Variants in DPP10 observed in about 807,000 individuals in gnomAD.
DPP10 encodes the protein inactive dipeptidyl peptidase 10.
In DPP10, 33 loss-of-function variants were observed where a neutral mutation model predicts 120.9. The ratio of observed to expected loss-of-function variants is 0.27; its 90% CI spans 0.21 to 0.37. The LOEUF is 0.37. Ranked by LOEUF, DPP10 falls within the 10% of genes least tolerant of loss-of-function variation. The pLI is 1.00. For missense variants in DPP10, 816 were observed against 942.8 expected (o/e 0.87, Z 1.76); for synonymous variants, 337 against 326.1 (o/e 1.03, Z -0.36).
intron 1 of DPP10, among the ~76,000 whole-genome samples, chr2:115,180,174 G>A (rs2053980019): frequency 1.3e-5 from 2 of 152,130 alleles, no homozygotes; most frequent in South Asian, 4.1e-4. Flanking sequence ...AATCTTTGAT[G>A]TCCTGCTGGG....
At chr2:114,722,783 A>C (rs1701787542) in intron 1 of DPP10, among the ~76,000 whole-genome samples, 1 of 149,456 alleles carries the variant, frequency 6.7e-6, no homozygotes, top group South Asian at 2.1e-4. Context: ...CTCAAAAAAA[A>C]AAAAAAAAAA....
intron 1 of DPP10, among the ~76,000 whole-genome samples, chr2:114,929,423 T>G (rs969517209): frequency 1.3e-5 from 2 of 152,198 alleles, no homozygotes; most frequent in Non-Finnish European, 2.9e-5. Context: ...ATCCCTTGTC[T>G]TCAACCGCAT....
At chr2:114,443,831 A>C (rs536312571) in intron 1 of DPP10, among the ~76,000 whole-genome samples, 1 of 152,130 alleles carries the variant, frequency 6.6e-6, no homozygotes, top group East Asian at 1.9e-4. Context: ...TTTATGATTT[A>C]TATTATGTTT....
chr2:114,840,765 A>C (rs971358818), intron 1 of DPP10, among the ~76,000 whole-genome samples: 2 of 152,168 alleles, frequency 1.3e-5, no homozygotes, highest in Admixed American at 1.3e-4. Context: ...GCTAATCCAC[A>C]TAAGAGAGAT....
intron 1 of DPP10, among the ~76,000 whole-genome samples, chr2:114,694,878 T>C (rs1018560319): frequency 2.6e-5 from 4 of 151,910 alleles, no homozygotes; most frequent in African/African-American, 9.7e-5. Flanking sequence ...AAGGAGGTAA[T>C]ACAAAAGGAC....
intron 5 of DPP10, among the ~76,000 whole-genome samples, chr2:115,643,939 G>C (rs2087002010): frequency 6.6e-6 from 1 of 151,990 alleles, no homozygotes; most frequent in South Asian, 2.1e-4. Flanking sequence ...GTTGAATGTG[G>C]TTCTTGTCTT....
In DPP10 at chr2:115,510,659, G is replaced by A. The variant is rs145481322; in HGVS notation, c.366+11055G>A. On this transcript the variant is annotated intron_variant, in intron 4 of 25. Coordinates refer to ENST00000410059, the MANE Select transcript of DPP10 (RefSeq NM_020868.6). Reference sequence around the variant, plus strand: ...TCCATATGAATTTTAAGATCAACTCGTAAAATTTGCAAACAAAGTCAAAAG... The same window carrying A: ...TCCATATGAATTTTAAGATCAACTCATAAAATTTGCAAACAAAGTCAAAAG... Among the ~76,000 whole-genome samples, 12 of 152,118 alleles carry A rather than the reference G, an allele frequency of 7.9e-5. 1 individual carries two copies. Among genetic ancestry groups the A allele is most frequent in the African/African-American group, 2.6e-4 (11 of 41,532 alleles).
At chr2:114,894,137 A>G (rs1470441211) in intron 1 of DPP10, among the ~76,000 whole-genome samples, 2 of 152,184 alleles carry the variant, frequency 1.3e-5, no homozygotes, top group Non-Finnish European at 1.5e-5. Flanking sequence ...GAGTGCTGCT[A>G]TGTGGCAAGT....
At chr2:115,479,294 G>A (rs1177622408) in intron 3 of DPP10, among the ~76,000 whole-genome samples, 1 of 152,060 alleles carries the variant, frequency 6.6e-6, no homozygotes, top group Non-Finnish European at 1.5e-5. Flanking sequence ...CATGCTAAGG[G>A]AAATAAGCTA....
At position 114,941,715 on chromosome 2, in the gene DPP10, C is replaced by T. The variant is rs547028382; in HGVS notation, c.61-367524C>T. ...CTCTTAGCAGAAAACAATTAGCTGC[C>T]ATTCACTTACCATCTATACCAGGTA... On this transcript the variant is annotated intron_variant, in intron 1 of 25. Coordinates refer to ENST00000410059, the MANE Select transcript of DPP10 (RefSeq NM_020868.6). 4.6e-5 allele frequency among the ~76,000 whole-genome samples: 7 copies of T among 152,200 alleles called. No individual in the cohort carries two copies. In the South Asian group the frequency reaches 1.5e-3, roughly 32 times the overall value.
At chr2:115,071,857 G>C (rs1417700327) in intron 1 of DPP10, among the ~76,000 whole-genome samples, 1 of 151,990 alleles carries the variant, frequency 6.6e-6, no homozygotes, top group East Asian at 1.9e-4. Flanking sequence ...CCTCAAAAAA[G>C]TTTCCATTAT....
At chr2:115,734,206 C>A (rs1260284247) in intron 8 of DPP10, among the ~76,000 whole-genome samples, 1 of 152,148 alleles carries the variant, frequency 6.6e-6, no homozygotes, top group Non-Finnish European at 1.5e-5. Flanking sequence ...TGCCTCATTT[C>A]TCTTGAAAAG....
chr2:114,816,017 A>G (rs1180628927), intron 1 of DPP10, among the ~76,000 whole-genome samples: 4 of 152,160 alleles, frequency 2.6e-5, no homozygotes. Context: ...CCAACAGTAA[A>G]TATAGATCAT....
chr2:114,511,542 A>C (rs545158982), intron 1 of DPP10, among the ~76,000 whole-genome samples: 14 of 152,344 alleles, frequency 9.2e-5, no homozygotes, highest in Admixed American at 2.6e-4. Flanking sequence ...AAAACAGAAC[A>C]AATATATGGA....
intron 1 of DPP10, among the ~76,000 whole-genome samples, chr2:114,912,880 A>G (rs1467118073): frequency 4.0e-5 from 6 of 151,090 alleles, no homozygotes; most frequent in African/African-American, 9.7e-5. Flanking sequence ...GTAGAGCCCA[A>G]AGAGTTTGAC....
chr2:114,773,927 G>A (rs975346849), intron 1 of DPP10, among the ~76,000 whole-genome samples: 2 of 151,720 alleles, frequency 1.3e-5, no homozygotes, highest in African/African-American at 4.8e-5. Context: ...ATATCAAAAA[G>A]TATATATTTA....
rs199718938 is a variant in DPP10 at position 114,596,705 on chromosome 2, A to AT, written c.60+153876dup. Among the ~76,000 whole-genome samples the AT allele has an allele frequency of 5.6e-3, 842 of 151,166 alleles. 8 individuals carry two copies. The highest frequency in any genetic ancestry group is 0.019 in the African/African-American group (778 of 41,246). ...TTATCCTGCATAGTATTGTTACTCCATTTTTTTTTCCTAATGATAAAACTG... is the reference window on the plus strand; with the variant it reads ...TTATCCTGCATAGTATTGTTACTCCATTTTTTTTTTCCTAATGATAAAACTG... On this transcript the variant is annotated intron_variant, in intron 1 of 25. Coordinates refer to ENST00000410059, the MANE Select transcript of DPP10 (RefSeq NM_020868.6).
intron 1 of DPP10, among the ~76,000 whole-genome samples, chr2:114,689,991 T>A (rs924753992): frequency 6.6e-6 from 1 of 152,110 alleles, no homozygotes; most frequent in African/African-American, 2.4e-5. Context: ...TAGTCCTTTG[T>A]TAGATGGATA....
chr2:114,732,832 G>T (rs2105950229), intron 1 of DPP10, among the ~76,000 whole-genome samples: 1 of 152,232 alleles, frequency 6.6e-6, no homozygotes, highest in Admixed American at 6.5e-5. Context: ...CTGTAACATA[G>T]ATTGCACTAG....
Sources: allele counts gnomAD v4.1 joint callset (sites outside exome capture counted in the v4.1 genomes callset), GRCh38; gene constraint gnomAD v4.1.1; transcripts MANE v1.5; gene names NCBI Gene and HGNC (gene_info 2026-07-23, HGNC 2026-07-21).